The following DIS3L2 variants were observed in gnomAD, a reference collection of about 807,000 sequenced individuals.
DIS3L2 encodes DIS3-like exonuclease 2.
Under a neutral mutation model 97.5 loss-of-function variants are expected in DIS3L2, and 34 were observed. The observed-to-expected ratio is 0.35, with a 90% CI of 0.27 to 0.46. DIS3L2 has a LOEUF of 0.46. Among genes scored for constraint, DIS3L2 ranks in the 20% least tolerant of loss-of-function variants. The pLI is 1.00. For missense variants in DIS3L2, 1,038 were observed against 1,146.0 expected (o/e 0.91, Z 1.36); for synonymous variants, 435 against 445.2 (o/e 0.98, Z 0.29).
rs1375518082 is a variant in DIS3L2, at chr2:232,325,564, T to C, written c.1740-4249T>C. On this transcript the variant is annotated intron_variant, in intron 14 of 20. Coordinates refer to ENST00000325385, the MANE Select transcript of DIS3L2 (RefSeq NM_152383.5). This position sits in a 1 kb window ranked among gnomAD's most constrained non-coding sequence, Gnocchi z 4.6. ...GTGCTGGGAGTGAGTGCCGAGGAGC[T>C]GGGGTCCTGGCCCTGCAGCCACTGT... Among the ~76,000 whole-genome samples, 5 of 152,078 alleles carry C rather than the reference T, an allele frequency of 3.3e-5. No individual in the cohort carries two copies. Among genetic ancestry groups the C allele is most frequent in the Non-Finnish European group, 7.4e-5 (5 of 67,994 alleles).
chr2:232,067,309 C>T (rs557113184), intron 5 of DIS3L2, among the ~76,000 whole-genome samples: 44 of 152,288 alleles, frequency 2.9e-4, no homozygotes, highest in African/African-American at 1.0e-3. Context: ...ACTTTACATG[C>T]ATTGCACACA....
At position 232,015,604 on chromosome 2, in the gene DIS3L2, G is replaced by A. The variant is rs754408232; in HGVS notation, c.143G>A (p.Ser48Asn). Reference sequence around the variant, plus strand: ...AGGTCCACACGAGGGAAGAAAAAGAGCATATTTGAAACTTACATGTCCAAG... The same window carrying A: ...AGGTCCACACGAGGGAAGAAAAAGAACATATTTGAAACTTACATGTCCAAG... ...KNRSTRGKKKSIFETYMSKED... is the reference protein window; with the variant it reads ...KNRSTRGKKKNIFETYMSKED... The change falls in exon 3 of 21, where the codon AGC becomes AAC. Residue 48 changes from serine (S) to asparagine (N), a missense_variant. Ser to Asn is a conservative substitution (Grantham distance 46, BLOSUM62 1). Transcript: ENST00000325385. 8.1e-6 allele frequency: 13 copies of A among 1,614,084 alleles called. 1 individual carries two copies. The Middle Eastern group carries it at 1.5e-3, about 184-fold the overall frequency.
chr2:232,192,944 T>G (rs1574937297), intron 9 of DIS3L2, among the ~76,000 whole-genome samples: 1 of 152,276 alleles, frequency 6.6e-6, no homozygotes, highest in Non-Finnish European at 1.5e-5. Flanking sequence ...CCTCTCTGCC[T>G]CTCCTACTTC....
intron 9 of DIS3L2, among the ~76,000 whole-genome samples, chr2:232,176,754 AT>A (rs67065513): frequency 0.93 from 137,523 of 148,110 alleles, 63,926 homozygotes; most frequent in East Asian, 1. Context: ...ATGCCCGGCT[AT>A]TTTTTTTTAA....
chr2:232,071,776 G>T (rs1696027172), intron 5 of DIS3L2, among the ~76,000 whole-genome samples: 1 of 152,154 alleles, frequency 6.6e-6, no homozygotes, highest in South Asian at 2.1e-4. Flanking sequence ...CTGGGCTCAA[G>T]CAGTCCTCCA....
Position 232,268,661 on chromosome 2 carries a change from C to T in DIS3L2, c.1659+5221C>T, listed in dbSNP as rs1325309085. 6.6e-6 allele frequency among the ~76,000 whole-genome samples: 1 copy of T among 152,166 alleles called. No individual in the cohort carries two copies. Among genetic ancestry groups the T allele is most frequent in the Non-Finnish European group, 1.5e-5 (1 of 68,022 alleles). ...TATTGTTCTTCCTTTGATTATTTTT[C>T]AGCCATTTAAAAATGCATAAACCAG... On this transcript the variant is annotated intron_variant, in intron 13 of 20. Transcript: ENST00000325385. The surrounding 1 kb of genome is among the most constrained non-coding windows in gnomAD (Gnocchi z 4.1).
intron 5 of DIS3L2, among the ~76,000 whole-genome samples, chr2:232,085,473 A>G (rs1696547473): frequency 6.6e-6 from 1 of 152,238 alleles, no homozygotes; most frequent in African/African-American, 2.4e-5. Context: ...GAATAAAAGG[A>G]ATGTTTACAA....
At chr2:232,022,138 C>T (rs1473474945) in intron 3 of DIS3L2, among the ~76,000 whole-genome samples, 3 of 152,134 alleles carry the variant, frequency 2.0e-5, no homozygotes, top group Non-Finnish European at 4.4e-5. Context: ...GACTTAAATG[C>T]CAGCTGCTTC....
At chr2:232,329,785 T>TCCCGGGGGGGCCCCCC in intron 14 of DIS3L2, 28 bp from the exon 15 acceptor site, 52 of 967,082 alleles carry the variant, frequency 5.4e-5, no homozygotes, top group East Asian at 9.3e-5. Context: ...ACCCCAGCGG[T>TCCCGGGGGGGCCCCCC]CCCTCCCATC....
intron 9 of DIS3L2, among the ~76,000 whole-genome samples, chr2:232,206,665 G>C (rs1247565015): frequency 1.3e-5 from 2 of 152,166 alleles, no homozygotes; most frequent in Non-Finnish European, 2.9e-5. Context: ...AATAATGTTT[G>C]GATGGCTTAT....
chr2:232,184,539 A>G (rs1256872232), intron 9 of DIS3L2, among the ~76,000 whole-genome samples: 2 of 152,106 alleles, frequency 1.3e-5, no homozygotes, highest in Non-Finnish European at 2.9e-5. Flanking sequence ...TAGTCCCACT[A>G]CTAGGGAGGC....
At chr2:231,977,215 A>G (rs1264111610) in intron 1 of DIS3L2, among the ~76,000 whole-genome samples, 2 of 152,224 alleles carry the variant, frequency 1.3e-5, no homozygotes, top group East Asian at 3.8e-4. Flanking sequence ...GAAAAATTGT[A>G]AGTTGAACCA....
intron 14 of DIS3L2, among the ~76,000 whole-genome samples, chr2:232,307,959 C>A (rs1300917725): frequency 2.0e-5 from 3 of 152,206 alleles, no homozygotes; most frequent in Non-Finnish European, 2.9e-5. Flanking sequence ...CTGCCTTTCT[C>A]TCCATGCCAG....
At chr2:232,173,871 G>T (rs1233269889) in intron 9 of DIS3L2, among the ~76,000 whole-genome samples, 1 of 152,172 alleles carries the variant, frequency 6.6e-6, no homozygotes, top group East Asian at 1.9e-4. Flanking sequence ...ATTGAGAAGT[G>T]TGATTCTTCC....
At chr2:232,048,843 A>G (rs1695320719) in intron 5 of DIS3L2, among the ~76,000 whole-genome samples, 1 of 152,210 alleles carries the variant, frequency 6.6e-6, no homozygotes, top group Non-Finnish European at 1.5e-5. Context: ...TTAGGAACTC[A>G]AGTAGCTTAG....
chr2:232,123,692 T>TA (rs551972606), intron 6 of DIS3L2, among the ~76,000 whole-genome samples: 11 of 152,046 alleles, frequency 7.2e-5, no homozygotes, highest in Admixed American at 3.3e-4. Context: ...TATTTGGATT[T>TA]AAAAAAAATC....
chr2:232,169,444 C>G (rs898310474), intron 9 of DIS3L2, among the ~76,000 whole-genome samples: 2 of 152,088 alleles, frequency 1.3e-5, no homozygotes, highest in Non-Finnish European at 2.9e-5. Flanking sequence ...CAGATTCGTA[C>G]TCAGATAAAT....
At chr2:232,122,825 T>A (rs1347838405) in intron 6 of DIS3L2, among the ~76,000 whole-genome samples, 1 of 152,194 alleles carries the variant, frequency 6.6e-6, no homozygotes, top group African/African-American at 2.4e-5. Context: ...GGACACTACA[T>A]GTAAACATAA....
intron 12 of DIS3L2, among the ~76,000 whole-genome samples, chr2:232,257,597 A>G (rs1373955668): frequency 6.6e-6 from 1 of 152,214 alleles, no homozygotes; most frequent in Non-Finnish European, 1.5e-5. Context: ...AATATTTTGC[A>G]TACGGAAGCC....
Sources: gnomAD v4.1 joint callset for allele counts (sites outside exome capture counted in the v4.1 genomes callset) on GRCh38, gnomAD v4.1.1 for gene constraint, Gnocchi (gnomAD v3.1) non-coding constraint, MANE v1.5 for transcripts, NCBI Gene and HGNC (gene_info 2026-07-23, HGNC 2026-07-21) for gene names.